Variants in DENND2B observed in about 807,000 individuals in gnomAD.
The protein encoded by DENND2B is DENN domain-containing protein 2B.
In DENND2B, 32 loss-of-function variants were observed where a neutral mutation model predicts 116.0. The ratio of observed to expected loss-of-function variants is 0.28; its 90% CI spans 0.21 to 0.37. The LOEUF is 0.37. Among genes scored for constraint, DENND2B ranks in the 10% least tolerant of loss-of-function variants. DENND2B has a pLI of 1.00. For synonymous variants in DENND2B, 588 were observed against 583.9 expected (o/e 1.01, Z -0.10); for missense variants, 1,276 against 1,477.7 (o/e 0.86, Z 2.24).
At chr11:8,884,209 C>T (rs1265175438) in intron 1 of DENND2B, among the ~76,000 whole-genome samples, 1 of 151,898 alleles carries the variant, frequency 6.6e-6, no homozygotes, top group African/African-American at 2.4e-5. Flanking sequence ...GGGCTTTCTC[C>T]ATGACAGGCA....
Position 8,730,301 on chromosome 11 carries a change from G to A in DENND2B, c.989C>T (p.Ala330Val). Residue 330 changes from alanine (A) to valine (V), a missense_variant, in exon 3 of 20, where the codon GCG becomes GTG. Ala to Val is a moderately conservative substitution (Grantham distance 64, BLOSUM62 0). Around this residue, in one of 2 missense-constraint regions of DENND2B, gnomAD observed 856 missense variants for 846.6 expected, o/e 1.01. Coordinates refer to ENST00000313726, the MANE Select transcript of DENND2B (RefSeq NM_213618.2). This position sits in a 1 kb window ranked among gnomAD's most constrained non-coding sequence, Gnocchi z 4.1. ...LGSLEEPAGGASVSAGSRAVG... is the reference protein window; with the variant it reads ...LGSLEEPAGGVSVSAGSRAVG... ...TGCCCGGCTGCCAGCGCTCACACTCGCGCCCCCTGCCGGCTCCTCCAAGGA... is the reference window on the plus strand; with the variant it reads ...TGCCCGGCTGCCAGCGCTCACACTCACGCCCCCTGCCGGCTCCTCCAAGGA... 6.2e-7 allele frequency: 1 copy of A among 1,604,150 alleles called. No homozygotes were observed. The highest frequency in any genetic ancestry group is 2.2e-5 in the East Asian group (1 of 44,850).
intron 1 of DENND2B, chr11:8,808,295 G>C (rs182279483): frequency 1.3e-5 from 2 of 152,324 alleles, no homozygotes; most frequent in East Asian, 3.9e-4. Flanking sequence ...AACCAGGCCT[G>C]GCCTCTTTTC....
Position 8,712,102 on chromosome 11 carries a change from G to A in DENND2B, c.2172+449C>T. ...GAGGAAGAAGAGGGAGGCCAGGCTG[G>A]CTGGCGACAAGCAGGGAAGGCGGAG... On this transcript the variant is annotated intron_variant, in intron 9 of 19. Coordinates refer to ENST00000313726, the MANE Select transcript of DENND2B (RefSeq NM_213618.2). The surrounding 1 kb of genome is among the most constrained non-coding windows in gnomAD (Gnocchi z 4.4). 2.5e-6 allele frequency: 1 copy of A among 407,414 alleles called. No individual in the cohort carries two copies. The highest frequency in any genetic ancestry group is 2.7e-5 in the Admixed American group (1 of 37,726). 25.2% of individuals were successfully genotyped at this position (407,414 alleles called of 1,614,324 possible). A position where few individuals can be genotyped will look rare whatever the true frequency, so the allele number is the denominator to read the frequency against.
intron 5 of DENND2B, among the ~76,000 whole-genome samples, chr11:8,717,481 C>T (rs1486973195): frequency 5.3e-5 from 8 of 152,196 alleles, no homozygotes; most frequent in African/African-American, 1.9e-4. Context: ...GAAGATAGGA[C>T]AGGATGCCCC....
chr11:8,850,821 C>A (rs1429027768), intron 3 of DENND2B, among the ~76,000 whole-genome samples: 1 of 152,090 alleles, frequency 6.6e-6, no homozygotes. Flanking sequence ...GGTTTATATA[C>A]ACACAATGGA....
intron 1 of DENND2B, among the ~76,000 whole-genome samples, chr11:8,882,918 G>T (rs1426695873): frequency 6.6e-6 from 1 of 152,208 alleles, no homozygotes; most frequent in African/African-American, 2.4e-5. Flanking sequence ...AGCCTAGAAG[G>T]TTGAGACTGT....
At chr11:8,791,602 C>G (rs999996831) in intron 1 of DENND2B, among the ~76,000 whole-genome samples, 5 of 151,482 alleles carry the variant, frequency 3.3e-5, no homozygotes. Flanking sequence ...CCCATCTCTA[C>G]TAAAAATACA....
At chr11:8,874,440 C>A (rs1470020386), upstream of DENND2B, among the ~76,000 whole-genome samples, 1 of 152,174 alleles carries the variant, frequency 6.6e-6, no homozygotes, top group African/African-American at 2.4e-5. Flanking sequence ...AAATCCTGCA[C>A]TTAAGCATGG....
chr11:8,791,534 A>G (rs1482256834), intron 1 of DENND2B, among the ~76,000 whole-genome samples: 1 of 152,178 alleles, frequency 6.6e-6, no homozygotes, highest in African/African-American at 2.4e-5. Context: ...TGGGAGGCCG[A>G]GGCAGGCGGA....
At chr11:8,863,346 T>TCCCAGGTTCACACCATTCTACTGC (rs543669262) in intron 2 of DENND2B, among the ~76,000 whole-genome samples, 2 of 81,270 alleles carry the variant, frequency 2.5e-5, no homozygotes, top group African/African-American at 4.5e-5. Context: ...AAGCTCCACC[T>TCCCAGGTTCACACCATTCTACTGC]CTCAGCCTCC....
intron 2 of DENND2B, among the ~76,000 whole-genome samples, chr11:8,862,537 GT>G (rs1160387280): frequency 6.6e-6 from 1 of 151,788 alleles, no homozygotes; most frequent in African/African-American, 2.4e-5. Context: ...GGTTTACCAT[GT>G]TGCCCAGGCT....
intron 2 of DENND2B, chr11:8,877,657 C>T (rs2134722542): frequency 6.6e-6 from 1 of 152,236 alleles, no homozygotes; most frequent in South Asian, 2.1e-4. Flanking sequence ...CTATATTTGT[C>T]ACTGAATTCA....
At chr11:8,697,795 A>C in intron 16 of DENND2B, 159 bp from the exon 17 acceptor site, 1 of 635,524 alleles carries the variant, frequency 1.6e-6, no homozygotes, top group East Asian at 2.8e-5. Flanking sequence ...GAACTGAAGC[A>C]CAGAAAGGTT....
intron 2 of DENND2B, among the ~76,000 whole-genome samples, chr11:8,745,529 A>G (rs1429143941): frequency 6.6e-6 from 1 of 152,208 alleles, no homozygotes; most frequent in East Asian, 1.9e-4. Flanking sequence ...CAGGAACCAC[A>G]ACCTATCCCA....
chr11:8,759,502 T>A (rs185394334), intron 1 of DENND2B, among the ~76,000 whole-genome samples: 82 of 152,280 alleles, frequency 5.4e-4, no homozygotes, highest in Admixed American at 1.2e-3. Context: ...ATGAGAGAAT[T>A]TCTGCTACAT....
chr11:8,763,947 G>C (rs1370734506), intron 1 of DENND2B, among the ~76,000 whole-genome samples: 1 of 149,404 alleles, frequency 6.7e-6, no homozygotes, highest in Non-Finnish European at 1.5e-5. Flanking sequence ...AGAGAGGCCA[G>C]GTGTGGTGGC....
chr11:8,771,995 A>G (rs1014513070), intron 1 of DENND2B: 1 of 152,134 alleles, frequency 6.6e-6, no homozygotes, highest in Non-Finnish European at 1.5e-5. Flanking sequence ...TGGAGGGGAC[A>G]TTCAAAATAT....
chr11:8,763,627 GA>G (rs915082901), intron 1 of DENND2B, among the ~76,000 whole-genome samples: 1 of 149,328 alleles, frequency 6.7e-6, no homozygotes, highest in Non-Finnish European at 1.5e-5. Flanking sequence ...CAGAAACCAA[GA>G]ATACATACTA....
At chr11:8,753,847 TC>T (rs960459585) in intron 1 of DENND2B, among the ~76,000 whole-genome samples, 27 of 152,054 alleles carry the variant, frequency 1.8e-4, no homozygotes, top group African/African-American at 6.5e-4. Context: ...AAACTGGATA[TC>T]CATATACAAA....
Sources: gnomAD v4.1 joint callset for allele counts (sites outside exome capture counted in the v4.1 genomes callset) on GRCh38, gnomAD v4.1.1 for gene constraint, gnomAD v4.1.1 regional missense constraint, Gnocchi (gnomAD v3.1) non-coding constraint, MANE v1.5 for transcripts, NCBI Gene and HGNC (gene_info 2026-07-23, HGNC 2026-07-21) for gene names.